SSBP3: variants seen among roughly 807,000 people sequenced by gnomAD.
The protein encoded by SSBP3 is single stranded DNA binding protein 3, also known as single-stranded DNA-binding protein 3.
Under a neutral mutation model 69.6 loss-of-function variants are expected in SSBP3, and 5 were observed. That is an observed-to-expected ratio of 0.07 (90% confidence interval 0.04 to 0.15). The LOEUF (loss-of-function observed/expected upper bound fraction) is 0.15, where lower values mean the gene tolerates loss of function less well. Among genes scored for constraint, SSBP3 ranks in the 10% least tolerant of loss-of-function variants. The pLI, the probability that SSBP3 is intolerant of heterozygous loss-of-function variation, is 1.00. For synonymous variants in SSBP3, 196 were observed against 193.4 expected (o/e 1.01, Z -0.11); for missense variants, 312 against 534.0 (o/e 0.58, Z 4.10).
At position 54,238,415 on chromosome 1, in the gene SSBP3, G is replaced by T. The variant is rs905821492; in HGVS notation, c.927+714C>A. The T allele has an allele frequency of 1.4e-5, 6 of 431,846 alleles. No homozygotes were observed. The East Asian group carries it at 4.3e-4, about 31-fold the overall frequency. The allele number at this position is 431,846 out of a possible 1,614,324, so 26.8% of individuals were successfully genotyped here. A position where few individuals can be genotyped will look rare whatever the true frequency, so the allele number is the denominator to read the frequency against. ...GAACAGGTTCACCTGAGGCCTGCAT[G>T]GAGGAGGAAGGGAAGGAACTAGAAT... On this transcript the variant is annotated intron_variant, in intron 14 of 17. Coordinates refer to ENST00000610401, the Ensembl canonical transcript of SSBP3.
chr1:54,374,098 G>T (rs993975256), intron 4 of SSBP3, among the ~76,000 whole-genome samples: 6 of 152,260 alleles, frequency 3.9e-5, no homozygotes, highest in Non-Finnish European at 8.8e-5. Flanking sequence ...GCACTGGCTG[G>T]AAGCCTGTCT....
At chr1:54,311,860 G>A (rs142033663) in intron 4 of SSBP3, among the ~76,000 whole-genome samples, 21 of 152,078 alleles carry the variant, frequency 1.4e-4, no homozygotes, top group Admixed American at 4.6e-4. Flanking sequence ...GTTGTTCCCC[G>A]GAGCCACAGT....
At chr1:54,370,064 G>T (rs1647102773) in intron 4 of SSBP3, among the ~76,000 whole-genome samples, 1 of 152,138 alleles carries the variant, frequency 6.6e-6, no homozygotes, top group East Asian at 1.9e-4. Context: ...TCCACAATTA[G>T]CTTGTCCCAA....
At chr1:54,248,834 A>T (rs1378349715) in intron 9 of SSBP3, among the ~76,000 whole-genome samples, 1 of 152,216 alleles carries the variant, frequency 6.6e-6, no homozygotes, top group Non-Finnish European at 1.5e-5. Context: ...GGAGTATAGG[A>T]AACATGGGTG....
At position 54,242,148 on chromosome 1, in the gene SSBP3, C is replaced by T. The variant is rs200227610; in HGVS notation, c.765+16G>A. The T allele has an allele frequency of 4.8e-5, 78 of 1,612,386 alleles. No homozygotes were observed. In the Admixed American group the frequency reaches 5.5e-4, roughly 11 times the overall value. ...CTCCCCTGACAAACACCACCCCACC[C>T]GACCCAGGTACTCACTGAGTTAGCA... On this transcript the variant is annotated intron_variant, in intron 11 of 17. Transcript: ENST00000610401.
At chr1:54,277,153 T>C (rs527908768) in intron 5 of SSBP3, among the ~76,000 whole-genome samples, 1 of 151,942 alleles carries the variant, frequency 6.6e-6, no homozygotes, top group Non-Finnish European at 1.5e-5. Flanking sequence ...AATGAGAAGC[T>C]TGGACTACAT....
chr1:54,336,930 T>C (rs1474081655), intron 4 of SSBP3, among the ~76,000 whole-genome samples: 1 of 152,066 alleles, frequency 6.6e-6, no homozygotes, highest in Non-Finnish European at 1.5e-5. Context: ...ATGCCCAGGG[T>C]GTGACAGAGG....
intron 4 of SSBP3, among the ~76,000 whole-genome samples, chr1:54,357,591 G>A (rs1296255783): frequency 6.6e-6 from 1 of 152,208 alleles, no homozygotes; most frequent in Non-Finnish European, 1.5e-5. Flanking sequence ...GTGAAATCCA[G>A]TCCAGTGAAT....
chr1:54,267,713 A>G (rs1005375134), intron 5 of SSBP3, among the ~76,000 whole-genome samples: 5 of 152,286 alleles, frequency 3.3e-5, no homozygotes, highest in Non-Finnish European at 7.3e-5. Flanking sequence ...TGGGGGCTTG[A>G]CCAAGGAAAT....
At position 54,369,226 on chromosome 1, in the gene SSBP3, G is replaced by C. The variant is rs1392471363; in HGVS notation, c.276+32635C>G. Among the ~76,000 whole-genome samples, 7 of 149,432 alleles carry C rather than the reference G, an allele frequency of 4.7e-5. 1 individual carries two copies. In the South Asian group the frequency reaches 6.4e-4, roughly 14 times the overall value. On this transcript the variant is annotated intron_variant, in intron 4 of 17. Coordinates refer to ENST00000610401, the Ensembl canonical transcript of SSBP3. ...AAAAAGTCCTCTTGAGTCGGGGGGGGGGCCCAAGCCAGGCTCCCTGGGAAA... is the reference window on the plus strand; with the variant it reads ...AAAAAGTCCTCTTGAGTCGGGGGGGCGGCCCAAGCCAGGCTCCCTGGGAAA...
chr1:54,343,238 G>A (rs769887030), intron 4 of SSBP3, among the ~76,000 whole-genome samples: 13 of 152,286 alleles, frequency 8.5e-5, no homozygotes, highest in Non-Finnish European at 1.3e-4. Flanking sequence ...TGCGTGTCAG[G>A]TGTTTGGCAT....
chr1:54,298,790 C>G (rs1031040205), intron 4 of SSBP3, among the ~76,000 whole-genome samples: 1 of 152,204 alleles, frequency 6.6e-6, no homozygotes, highest in Non-Finnish European at 1.5e-5. Flanking sequence ...TCAAAAACAC[C>G]ATGGTCAGCG....
At chr1:54,316,441 C>G (rs866699482) in intron 4 of SSBP3, among the ~76,000 whole-genome samples, 17 of 149,304 alleles carry the variant, frequency 1.1e-4, no homozygotes, top group African/African-American at 4.2e-4. Flanking sequence ...AGATCGAGAC[C>G]ATCCTGGCTA....
intron 4 of SSBP3, among the ~76,000 whole-genome samples, chr1:54,310,490 G>A (rs1359760001): frequency 1.3e-5 from 2 of 152,160 alleles, no homozygotes; most frequent in Admixed American, 1.3e-4. Flanking sequence ...TTTAAGAAGG[G>A]TTTTTAATTG....
chr1:54,241,404 C>T (rs1644635820), intron 12 of SSBP3, 70 bp downstream of exon 12: 1 of 1,546,168 alleles, frequency 6.5e-7, no homozygotes, highest in South Asian at 1.1e-5. Context: ...AACGGGGACC[C>T]CAGACCAGTT....
At chr1:54,310,623 G>A (rs1042445889) in intron 4 of SSBP3, among the ~76,000 whole-genome samples, 15 of 143,622 alleles carry the variant, frequency 1.0e-4, no homozygotes, top group Non-Finnish European at 2.0e-4. Flanking sequence ...TTTAATTGGG[G>A]TAAGTGGCTC....
chr1:54,260,953 C>G (rs914509589), intron 5 of SSBP3, among the ~76,000 whole-genome samples: 2 of 152,232 alleles, frequency 1.3e-5, no homozygotes, highest in Non-Finnish European at 2.9e-5. Flanking sequence ...GAGCTCCTCT[C>G]CCACCTGCAG....
At chr1:54,266,325 G>A (rs752643095) in intron 5 of SSBP3, among the ~76,000 whole-genome samples, 6 of 152,214 alleles carry the variant, frequency 3.9e-5, no homozygotes, top group Non-Finnish European at 8.8e-5. Context: ...TCAAGTCAGG[G>A]TCAAACTAGC....
intron 4 of SSBP3, among the ~76,000 whole-genome samples, chr1:54,374,347 T>C (rs1302211427): frequency 2.0e-5 from 3 of 152,222 alleles, no homozygotes; most frequent in Non-Finnish European, 4.4e-5. Context: ...AAGACGACTC[T>C]GAGCAAACAT....
Sources: allele counts gnomAD v4.1 joint callset (sites outside exome capture counted in the v4.1 genomes callset), GRCh38; gene constraint gnomAD v4.1.1; transcripts MANE v1.5; gene names NCBI Gene and HGNC (gene_info 2026-07-23, HGNC 2026-07-21).